The following MCCC1 variants were observed in gnomAD, a reference collection of about 807,000 sequenced individuals.
MCCC1 encodes the protein methylcrotonyl-CoA carboxylase subunit 1, also known as methylcrotonoyl-CoA carboxylase subunit alpha, mitochondrial.
Under a neutral mutation model 83.8 loss-of-function variants are expected in MCCC1, and 64 were observed. That is an observed-to-expected ratio of 0.76 (90% CI 0.62 to 0.94). The LOEUF is 0.94. MCCC1 is among the 40% of genes least tolerant of loss of function. The pLI is 0.00. For missense variants in MCCC1, 807 were observed against 904.7 expected, an observed-to-expected ratio of 0.89 and a Z score of 1.39; for synonymous variants, 322 against 315.4, an observed-to-expected ratio of 1.02 and a Z score of -0.22.
At chr3:183,107,055 C>T (rs532792548) in intron 1 of MCCC1, among the ~76,000 whole-genome samples, 2 of 152,244 alleles carry the variant, frequency 1.3e-5, no homozygotes, top group African/African-American at 4.8e-5. Flanking sequence ...AACACTGATA[C>T]ATACTATTAT....
At chr3:183,090,963 T>C (rs958542881) in intron 3 of MCCC1, 7 of 456,486 alleles carry the variant, frequency 1.5e-5, no homozygotes, top group African/African-American at 1.4e-4. Flanking sequence ...GATGCAGACA[T>C]AACTAAGTCA....
At position 183,052,159 on chromosome 3, in the gene MCCC1, C is replaced by T; in HGVS notation, c.955G>A (p.Gly319Arg). 6.2e-7 allele frequency: 1 copy of T among 1,613,930 alleles called. No individual in the cohort carries two copies. Among genetic ancestry groups the T allele is most frequent in the Admixed American group, 1.7e-5 (1 of 60,012 alleles). ...AAKAVNYVGAGTVEFIMDSKH... is the reference protein window; with the variant it reads ...AAKAVNYVGARTVEFIMDSKH... ...CCATTAGAAGCAAATCTTAACCTAC[C>T]TGCTCCAACATAATTTACAGCTTTA... Residue 319 changes from glycine to arginine, a missense_variant and splice_region_variant, in exon 9 of 19, where the codon GGG becomes AGG. Gly to Arg is a moderately radical substitution (Grantham distance 125, BLOSUM62 -2). Coordinates refer to ENST00000265594, the MANE Select transcript of MCCC1 (RefSeq NM_020166.5).
chr3:183,099,252 C>T (rs549234777), intron 1 of MCCC1, 100 bp downstream of exon 1: 21 of 1,407,800 alleles, frequency 1.5e-5, no homozygotes, highest in East Asian at 1.2e-4. Context: ...CCGTCCTCCC[C>T]ACACCGACCC....
intron 2 of MCCC1, 135 bp from the exon 3 acceptor site, chr3:183,092,680 G>A (rs1199576255): frequency 9.5e-7 from 1 of 1,055,396 alleles, no homozygotes; most frequent in African/African-American, 1.6e-5. Context: ...GCATAACTGA[G>A]CCCAAAATGA....
intron 1 of MCCC1, among the ~76,000 whole-genome samples, chr3:183,105,973 C>T (rs1202036153): frequency 6.6e-6 from 1 of 150,970 alleles, no homozygotes; most frequent in Admixed American, 6.6e-5. Flanking sequence ...CCTATAATCC[C>T]AGCTACTCAG....
chr3:183,024,575 G>A (rs1367998988), intron 15 of MCCC1, among the ~76,000 whole-genome samples: 4 of 151,220 alleles, frequency 2.6e-5, no homozygotes, highest in Non-Finnish European at 5.9e-5. Context: ...AAGTCACAGT[G>A]AGATACTACT....
chr3:183,022,633 C>T (rs1385111427), intron 15 of MCCC1, 79 bp from the exon 16 acceptor site: 3 of 1,227,860 alleles, frequency 2.4e-6, no homozygotes, highest in South Asian at 2.7e-5. Context: ...CAATTCTTCA[C>T]TATTGGTAGT....
chr3:183,100,358 C>T (rs141294120), upstream of MCCC1, among the ~76,000 whole-genome samples: 720 of 152,184 alleles, frequency 4.7e-3, 6 homozygotes, highest in African/African-American at 0.016. Flanking sequence ...TTAAGCAAAC[C>T]GTTACCACAG....
chr3:183,045,598 A>C, intron 9 of MCCC1, 58 bp from the exon 10 acceptor site: 1 of 1,568,782 alleles, frequency 6.4e-7, no homozygotes. Context: ...GCAAACCAAA[A>C]TCTTCCATGA....
intron 1 of MCCC1, among the ~76,000 whole-genome samples, chr3:183,105,416 A>G (rs1351018598): frequency 1.3e-5 from 2 of 152,252 alleles, no homozygotes; most frequent in Non-Finnish European, 2.9e-5. Context: ...GAGACAGAGC[A>G]ATATGTACTC....
chr3:183,075,956 C>G (rs1007760808), intron 4 of MCCC1, among the ~76,000 whole-genome samples: 1 of 152,158 alleles, frequency 6.6e-6, no homozygotes, highest in Non-Finnish European at 1.5e-5. Flanking sequence ...TTTTCTCCCA[C>G]AATTTGAGTA....
chr3:183,022,415 A>G lies in MCCC1; in HGVS notation c.1869+2T>C. The G allele has an allele frequency of 6.2e-7, 1 of 1,614,080 alleles. No homozygotes were observed. The highest frequency in any genetic ancestry group is 1.1e-5 in the South Asian group (1 of 91,090). On this transcript the variant is annotated splice_donor_variant, in intron 16 of 18. Transcript: ENST00000265594. LOFTEE classifies it high-confidence loss of function. ...AGGGATATTATAAAGAAGAGACATT[A>G]CCTTGGAAAATAGGTAAATAGTGTT...
chr3:183,082,813 A>G (rs941705666), intron 4 of MCCC1, among the ~76,000 whole-genome samples: 1 of 152,146 alleles, frequency 6.6e-6, no homozygotes, highest in African/African-American at 2.4e-5. Context: ...CTTTGTTTCA[A>G]AAACAAACAA....
In MCCC1 at chr3:183,064,588, C is replaced by T. The variant is rs1716104582; in HGVS notation, c.761+6411G>A. Among the ~76,000 whole-genome samples the T allele has an allele frequency of 6.6e-6, 1 of 152,152 alleles. No homozygotes were observed. Among genetic ancestry groups the T allele is most frequent in the African/African-American group, 2.4e-5 (1 of 41,446 alleles). The stretch of plus-strand genomic sequence containing the variant: ...ACAAGTGCAGCACCAGCGGGCTGCA[C>T]GCCAGCTCCCCGGTTCGCCGGCTGC... On this transcript the variant is annotated intron_variant, in intron 7 of 18. Transcript: ENST00000265594. This position sits in a 1 kb window ranked among gnomAD's most constrained non-coding sequence, Gnocchi z 4.5.
rs781021675 is a variant in MCCC1 at position 183,033,957 on chromosome 3, A to T, written c.1681+34T>A. 12 of 1,439,372 alleles carry T rather than the reference A, an allele frequency of 8.3e-6. No individual in the cohort carries two copies. The East Asian group carries it at 1.8e-4, about 22-fold the overall frequency. 89.2% of individuals were successfully genotyped at this position (1,439,372 alleles called of 1,614,324 possible). ...CAGATTAATGTGATACATTTCTATGACTCACATTTCTCTTTTAATGAAACA... is the reference window on the plus strand; with the variant it reads ...CAGATTAATGTGATACATTTCTATGTCTCACATTTCTCTTTTAATGAAACA... On this transcript the variant is annotated intron_variant, in intron 14 of 18. Transcript: ENST00000265594.
chr3:183,081,684 C>T (rs79414051), intron 4 of MCCC1, among the ~76,000 whole-genome samples: 3,672 of 152,306 alleles, frequency 0.024, 159 homozygotes, highest in African/African-American at 0.085. Flanking sequence ...GCACATACTG[C>T]ACTTGTTATA....
At chr3:183,055,985 G>A (rs1487068164) in intron 8 of MCCC1, among the ~76,000 whole-genome samples, 4 of 152,158 alleles carry the variant, frequency 2.6e-5, no homozygotes, top group Admixed American at 6.6e-5. Context: ...TCTGAGTGAT[G>A]TGCCTAATGA....
intron 7 of MCCC1, 25 bp downstream of exon 7, chr3:183,070,974 A>G: frequency 6.2e-7 from 1 of 1,608,738 alleles, no homozygotes; most frequent in Non-Finnish European, 8.5e-7. Flanking sequence ...TTAAACTCTG[A>G]GTCAGAAAAA....
chr3:183,087,643 C>T (rs1405544605), intron 3 of MCCC1, among the ~76,000 whole-genome samples: 1 of 151,788 alleles, frequency 6.6e-6, no homozygotes, highest in Non-Finnish European at 1.5e-5. Flanking sequence ...CCAAGGCGGG[C>T]GGATCATGAG....
Sources: gnomAD v4.1 joint callset for allele counts (sites outside exome capture counted in the v4.1 genomes callset) on GRCh38, gnomAD v4.1.1 for gene constraint, Gnocchi (gnomAD v3.1) non-coding constraint, MANE v1.5 for transcripts, NCBI Gene and HGNC (gene_info 2026-07-23, HGNC 2026-07-21) for gene names.